Variants in DNAH1 observed in about 807,000 individuals in gnomAD.
The protein encoded by DNAH1 is dynein axonemal heavy chain 1.
Under a neutral mutation model 484.3 loss-of-function variants are expected in DNAH1, and 327 were observed. That is an observed-to-expected ratio of 0.68 (90% CI 0.62 to 0.74). The LOEUF (loss-of-function observed/expected upper bound fraction) is 0.74, where lower values mean the gene tolerates loss of function less well. Among genes scored for constraint, DNAH1 ranks in the 30% least tolerant of loss-of-function variants. The pLI is 0.00. For missense variants in DNAH1, 5,052 were observed against 5,546.8 expected (o/e 0.91, Z 2.83); for synonymous variants, 2,192 against 2,191.9 (o/e 1.00, Z 0.00).
intron 8 of DNAH1, among the ~76,000 whole-genome samples, chr3:52,342,998 A>G (rs1459858631): frequency 6.6e-6 from 1 of 152,146 alleles, no homozygotes; most frequent in Admixed American, 6.5e-5. Flanking sequence ...CCCCTGGCAC[A>G]GGCCAACGTT....
At chr3:52,373,644 T>A in intron 44 of DNAH1, 1 of 1,420,246 alleles carries the variant, frequency 7.0e-7, no homozygotes, top group Admixed American at 1.7e-5. Context: ...AAAACTACCA[T>A]CCTTAAAAGA....
At chr3:52,331,619 CTTTTTTTTTTT>C (rs36097098) in intron 7 of DNAH1, among the ~76,000 whole-genome samples, 11 of 111,344 alleles carry the variant, frequency 9.9e-5, no homozygotes, top group South Asian at 9.0e-4. Context: ...AAATACTTTT[CTTTTTTTTTTT>C]TTTTTTTTTT....
At chr3:52,352,328 C>T (rs976020202) in intron 17 of DNAH1, among the ~76,000 whole-genome samples, 4 of 152,170 alleles carry the variant, frequency 2.6e-5, no homozygotes, top group Non-Finnish European at 4.4e-5. Flanking sequence ...GTCCCCAGCT[C>T]TTCTGTTGTG....
At chr3:52,350,414 C>A in intron 15 of DNAH1, 94 bp from the exon 16 acceptor site, 2 of 1,231,816 alleles carry the variant, frequency 1.6e-6, no homozygotes, top group Non-Finnish European at 2.3e-6. Context: ...AAGAGAGCAG[C>A]CCCTCTCTAG....
intron 34 of DNAH1, 62 bp downstream of exon 34, chr3:52,365,081 CAG>C (rs1027861388): frequency 1.2e-5 from 19 of 1,555,696 alleles, no homozygotes; most frequent in African/African-American, 8.1e-5. Flanking sequence ...GAGTCCAGGT[CAG>C]GGGGACAGAG....
chr3:52,311,631 C>T (rs988268146), upstream of DNAH1, among the ~76,000 whole-genome samples: 21 of 152,186 alleles, frequency 1.4e-4, no homozygotes, highest in Non-Finnish European at 4.4e-5. Flanking sequence ...ACCCCAGCTG[C>T]GTGTATCCTG....
chr3:52,312,065 C>A (rs1335504522), upstream of DNAH1, among the ~76,000 whole-genome samples: 1 of 152,216 alleles, frequency 6.6e-6, no homozygotes, highest in African/African-American at 2.4e-5. Context: ...TGAGAGCCAG[C>A]CAAGAGGGCT....
Position 52,362,946 on chromosome 3 carries a change from T to C in DNAH1, c.5095-49T>C. The C allele has an allele frequency of 1.2e-6, 2 of 1,610,064 alleles. No homozygotes were observed. The highest frequency in any genetic ancestry group is 2.2e-5 in the East Asian group (1 of 44,752). On this transcript the variant is annotated intron_variant, in intron 31 of 77. Transcript: ENST00000420323. The surrounding 1 kb of genome is among the most constrained non-coding windows in gnomAD (Gnocchi z 5.1). ...GAGGGCCGGATGAAGCTGGGGGTGC[T>C]CTGGGGGTGAGCTCTGTTTGCTGTT...
chr3:52,339,061 GT>G (rs911832086), intron 8 of DNAH1, among the ~76,000 whole-genome samples: 4 of 151,686 alleles, frequency 2.6e-5, no homozygotes, highest in African/African-American at 9.7e-5. Context: ...TTGAATTATA[GT>G]TTTAAATCTT....
In DNAH1 at chr3:52,378,770, C is replaced by T; in HGVS notation, c.7367C>T (p.Ala2456Val). The change falls in exon 47 of 78, where the codon GCC (alanine) becomes GTC (valine). Residue 2456 changes from alanine to valine, a missense_variant. Physicochemically the swap from Ala to Val is moderately conservative, Grantham distance 64. This residue lies in a region of DNAH1 where 2,929 missense variants were observed against 3,409.4 expected (regional missense o/e 0.86). Coordinates refer to ENST00000420323, the MANE Select transcript of DNAH1 (RefSeq NM_015512.5). ...VFQGMLMADP[A>V]KVEDQVQLLR... ...CAAGGCATGCTCATGGCTGACCCGG[C>T]CAAGGTCGAGGTGAGGACCAGGCAG... 1 of 1,613,638 alleles carries T rather than the reference C, an allele frequency of 6.2e-7. No individual in the cohort carries two copies. The highest frequency in any genetic ancestry group is 8.5e-7 in the Non-Finnish European group (1 of 1,179,872).
At chr3:52,323,920 G>A in intron 3 of DNAH1, 40 bp downstream of exon 3, 1 of 1,492,496 alleles carries the variant, frequency 6.7e-7, no homozygotes, top group Non-Finnish European at 9.1e-7. Context: ...GTCCCGGTAG[G>A]TATTTCAAAG....
At position 52,381,901 on chromosome 3, in the gene DNAH1, C is replaced by G. The variant is rs1703866112; in HGVS notation, c.7805+65C>G. The G allele has an allele frequency of 6.7e-7, 1 of 1,494,584 alleles. No individual in the cohort carries two copies. The allele number at this position is 1,494,584 out of a possible 1,614,324, so 92.6% of individuals were successfully genotyped here. A position where few individuals can be genotyped will look rare whatever the true frequency, so the allele number is the denominator to read the frequency against. On this transcript the variant is annotated intron_variant, in intron 49 of 77. Transcript: ENST00000420323. This position sits in a 1 kb window ranked among gnomAD's most constrained non-coding sequence, Gnocchi z 4.1. ...GGCTGGCTGGTCGGTTTGACTGACC[C>G]ATGCTTTTGCACAGTGGTAGAGGCC... is the stretch of plus-strand genomic sequence containing the variant.
chr3:52,357,853 A>G (rs1578135636), intron 23 of DNAH1, 45 bp from the exon 24 acceptor site: 2 of 1,594,020 alleles, frequency 1.3e-6, no homozygotes, highest in Admixed American at 1.7e-5. Flanking sequence ...GCTGGGGCCC[A>G]GGGAGCCTGC....
chr3:52,324,812 G>T (rs959777048), intron 3 of DNAH1, among the ~76,000 whole-genome samples: 3 of 152,166 alleles, frequency 2.0e-5, no homozygotes, highest in African/African-American at 7.2e-5. Flanking sequence ...TGGGCTGGGG[G>T]TGATTGGCAG....
chr3:52,329,577 C>T (rs992010320), intron 6 of DNAH1, among the ~76,000 whole-genome samples: 3 of 151,934 alleles, frequency 2.0e-5, no homozygotes, highest in Non-Finnish European at 2.9e-5. Flanking sequence ...CCTGTAATCC[C>T]AATACTTTAA....
rs974198069 is a variant in DNAH1 at position 52,362,997 on chromosome 3, G to T, written c.5097G>T (p.Ala1699=). The change falls in exon 32 of 78, where the codon GCG becomes GCT. Residue 1699 remains alanine, a splice_region_variant and synonymous_variant. Transcript: ENST00000420323. This position sits in a 1 kb window ranked among gnomAD's most constrained non-coding sequence, Gnocchi z 5.1. Reference sequence around the variant, plus strand: ...CACATGTGCACTGTGTGTCCCAGGCGCTCTTCCGACCCGTGGCCATGATGG... The same window carrying T: ...CACATGTGCACTGTGTGTCCCAGGCTCTCTTCCGACCCGTGGCCATGATGG... ...GRTELPDNLK[A]LFRPVAMMVP... is the part of the protein sequence containing the mutation. 1.9e-6 allele frequency: 3 copies of T among 1,613,846 alleles called. No individual in the cohort carries two copies. Among genetic ancestry groups the T allele is most frequent in the Non-Finnish European group, 1.7e-6 (2 of 1,179,822 alleles).
At chr3:52,367,256 G>A (rs1703124673) in intron 36 of DNAH1, among the ~76,000 whole-genome samples, 1 of 152,212 alleles carries the variant, frequency 6.6e-6, no homozygotes, top group Non-Finnish European at 1.5e-5. Flanking sequence ...TGAGATAGGA[G>A]AAGGGCAGCT....
At chr3:52,398,748 T>C (rs1704755686) in intron 75 of DNAH1, 102 bp from the exon 76 acceptor site, 7 of 1,026,748 alleles carry the variant, frequency 6.8e-6, no homozygotes, top group Middle Eastern at 2.3e-4. Context: ...TTAGCCTCTA[T>C]GTTTTGCCAT....
intron 44 of DNAH1, chr3:52,373,623 A>G: frequency 1.4e-6 from 2 of 1,445,714 alleles, no homozygotes; most frequent in Admixed American, 3.4e-5. Context: ...AAGCAGTAAT[A>G]GAGAACTTCA....
Sources: gnomAD v4.1 joint callset for allele counts (sites outside exome capture counted in the v4.1 genomes callset) on GRCh38, gnomAD v4.1.1 for gene constraint, gnomAD v4.1.1 regional missense constraint, Gnocchi (gnomAD v3.1) non-coding constraint, MANE v1.5 for transcripts, NCBI Gene and HGNC (gene_info 2026-07-23, HGNC 2026-07-21) for gene names.